Variants in PTPRG observed in about 807,000 individuals in gnomAD.
The protein encoded by PTPRG is receptor-type tyrosine-protein phosphatase gamma.
A neutral mutation model predicts 165.3 loss-of-function variants in PTPRG; 102 were observed. The observed-to-expected ratio is 0.62, with a 90% CI of 0.53 to 0.73. The LOEUF (loss-of-function observed/expected upper bound fraction) is 0.73. Ranked by LOEUF, PTPRG falls within the 30% of genes least tolerant of loss-of-function variation. The pLI is 0.00. For missense variants in PTPRG, 1,866 were observed against 1,861.4 expected (o/e 1.00, Z -0.05); for synonymous variants, 675 against 669.5 (o/e 1.01, Z -0.13).
At chr3:61,906,619 A>G (rs1399809919) in intron 2 of PTPRG, among the ~76,000 whole-genome samples, 1 of 152,142 alleles carries the variant, frequency 6.6e-6, no homozygotes, top group Non-Finnish European at 1.5e-5. Flanking sequence ...ATAAAAAGTA[A>G]AAAATAAAAA....
chr3:61,848,096 G>T (rs1432009080), intron 2 of PTPRG, among the ~76,000 whole-genome samples: 1 of 152,212 alleles, frequency 6.6e-6, no homozygotes, highest in African/African-American at 2.4e-5. Context: ...TCCTGGTTTT[G>T]AGCTGTGGCT....
In PTPRG at chr3:62,292,401, CTT is replaced by C; in HGVS notation, c.4056-11_4056-10del. The C allele has an allele frequency of 2.8e-6, 4 of 1,452,960 alleles. No individual in the cohort carries two copies. Among genetic ancestry groups the C allele is most frequent in the African/African-American group, 1.4e-5 (1 of 69,864 alleles). The allele number at this position is 1,452,960 out of a possible 1,614,324, so 90.0% of individuals were successfully genotyped here. On this transcript the variant is annotated intron_variant, in intron 28 of 29. Coordinates refer to ENST00000474889, the MANE Select transcript of PTPRG (RefSeq NM_002841.4). The stretch of plus-strand genomic sequence containing the variant: ...TCCCTTTGTACATCTGAAATCGTAT[CTT>C]TTTTTTTTCTCCCCCAGGTATGGAG...
intron 2 of PTPRG, among the ~76,000 whole-genome samples, chr3:61,865,299 A>C (rs540437597): frequency 1.1e-4 from 16 of 152,194 alleles, no homozygotes; most frequent in Non-Finnish European, 2.4e-4. Context: ...TAATAATAGC[A>C]GCTACCAGTT....
At chr3:62,285,632 CA>C (rs1702620902) in intron 28 of PTPRG, among the ~76,000 whole-genome samples, 1 of 151,792 alleles carries the variant, frequency 6.6e-6, no homozygotes, top group African/African-American at 2.4e-5. Context: ...TGAGGACAGG[CA>C]CAGCTTAAAG....
intron 2 of PTPRG, among the ~76,000 whole-genome samples, chr3:61,754,022 A>G (rs756872483): frequency 2.0e-5 from 3 of 152,062 alleles, no homozygotes; most frequent in Non-Finnish European, 4.4e-5. Flanking sequence ...ATTTTTCACA[A>G]TTTTAATAAT....
chr3:61,842,288 A>G (rs997272211), intron 2 of PTPRG, among the ~76,000 whole-genome samples: 3 of 152,202 alleles, frequency 2.0e-5, no homozygotes, highest in Non-Finnish European at 4.4e-5. Flanking sequence ...AATGCCATAC[A>G]CTTGGAAAGC....
At chr3:62,000,087 G>A (rs373298698) in intron 3 of PTPRG, among the ~76,000 whole-genome samples, 4 of 152,230 alleles carry the variant, frequency 2.6e-5, no homozygotes. Flanking sequence ...TGAATCTCTT[G>A]AGGTCAGGAG....
chr3:62,256,238 T>A (rs1482568599), intron 16 of PTPRG, among the ~76,000 whole-genome samples: 1 of 152,188 alleles, frequency 6.6e-6, no homozygotes, highest in East Asian at 1.9e-4. Flanking sequence ...GTCATACAGC[T>A]GGAAGGTGCA....
At chr3:62,039,836 T>TC (rs1700069104) in intron 4 of PTPRG, among the ~76,000 whole-genome samples, 1 of 92,168 alleles carries the variant, frequency 1.1e-5, no homozygotes, top group Admixed American at 9.7e-5. Context: ...CACTTGCCTT[T>TC]TTTCCCCCAG....
At chr3:62,142,734 ACT>A (rs201498891) in intron 6 of PTPRG, among the ~76,000 whole-genome samples, 2,795 of 152,204 alleles carry the variant, frequency 0.018, 50 homozygotes, top group South Asian at 0.042. Flanking sequence ...TTAAGAGGTA[ACT>A]CTGAGAGCAA....
At chr3:61,793,280 TG>T (rs1158546019) in intron 2 of PTPRG, among the ~76,000 whole-genome samples, 1 of 152,144 alleles carries the variant, frequency 6.6e-6, no homozygotes, top group East Asian at 1.9e-4. Flanking sequence ...CACCTGGGCT[TG>T]TGGTGTACCT....
At chr3:62,174,416 G>A (rs1307540319) in intron 8 of PTPRG, among the ~76,000 whole-genome samples, 1 of 152,218 alleles carries the variant, frequency 6.6e-6, no homozygotes, top group Non-Finnish European at 1.5e-5. Context: ...CTAAGCCGAT[G>A]TCGTGTTTTT....
chr3:61,788,895 C>T (rs907258199), intron 2 of PTPRG, among the ~76,000 whole-genome samples: 4 of 152,160 alleles, frequency 2.6e-5, no homozygotes, highest in African/African-American at 9.7e-5. Flanking sequence ...GATGAAGGCT[C>T]CTCTTGCCAA....
At chr3:61,709,731 G>T (rs779940850) in intron 1 of PTPRG, among the ~76,000 whole-genome samples, 12 of 152,106 alleles carry the variant, frequency 7.9e-5, no homozygotes, top group Non-Finnish European at 1.5e-4. Flanking sequence ...GCCTCCTCTT[G>T]ACTATTACTC....
chr3:62,221,193 T>C (rs1471015866), intron 13 of PTPRG, among the ~76,000 whole-genome samples: 1 of 152,216 alleles, frequency 6.6e-6, no homozygotes, highest in Non-Finnish European at 1.5e-5. Context: ...TTGAATAATA[T>C]CTTAATATTT....
intron 2 of PTPRG, among the ~76,000 whole-genome samples, chr3:61,851,545 T>G (rs779787037): frequency 6.6e-6 from 1 of 152,224 alleles, no homozygotes; most frequent in African/African-American, 2.4e-5. Context: ...TTTCCAAATG[T>G]GCTTTTCACA....
chr3:61,945,013 A>C (rs2107612992), intron 2 of PTPRG, among the ~76,000 whole-genome samples: 1 of 152,286 alleles, frequency 6.6e-6, no homozygotes, highest in South Asian at 2.1e-4. Flanking sequence ...TGTGTCATGA[A>C]GGTCTCTGCA....
intron 4 of PTPRG, among the ~76,000 whole-genome samples, chr3:62,015,362 G>A (rs958407486): frequency 6.6e-6 from 1 of 152,210 alleles, no homozygotes; most frequent in African/African-American, 2.4e-5. Context: ...CAGATAGGCA[G>A]TGTGATGGTG....
At chr3:61,914,353 C>T (rs1048827059) in intron 2 of PTPRG, among the ~76,000 whole-genome samples, 2 of 152,096 alleles carry the variant, frequency 1.3e-5, no homozygotes, top group Non-Finnish European at 2.9e-5. Flanking sequence ...TCTGTGTTCC[C>T]CATGGGGACT....
Sources: allele counts gnomAD v4.1 joint callset (sites outside exome capture counted in the v4.1 genomes callset), GRCh38; gene constraint gnomAD v4.1.1; transcripts MANE v1.5; gene names NCBI Gene and HGNC (gene_info 2026-07-23, HGNC 2026-07-21).